The following SLC12A6 variants were observed in gnomAD, a reference collection of about 807,000 sequenced individuals.
SLC12A6 encodes K-Cl cotransporter 3.
A neutral mutation model predicts 135.3 loss-of-function variants in SLC12A6; 66 were observed. That is an observed-to-expected ratio of 0.49 (90% CI 0.40 to 0.60). SLC12A6 has a LOEUF of 0.60. Ranked by LOEUF, SLC12A6 falls within the 20% of genes least tolerant of loss-of-function variation. SLC12A6 has a pLI of 0.00. For synonymous variants in SLC12A6, 513 were observed against 508.8 expected (o/e 1.01, Z -0.11); for missense variants, 1,058 against 1,452.3 (o/e 0.73, Z 4.41).
At chr15:34,326,987 G>C (rs905779295) in intron 2 of SLC12A6, among the ~76,000 whole-genome samples, 1 of 148,416 alleles carries the variant, frequency 6.7e-6, no homozygotes, top group Non-Finnish European at 1.5e-5. Context: ...AAAATGCAGT[G>C]TAATGACAAA....
chr15:34,310,176 T>TGTGC (rs1888058992), intron 2 of SLC12A6, among the ~76,000 whole-genome samples: 1 of 97,634 alleles, frequency 1.0e-5, no homozygotes, highest in East Asian at 2.2e-4. Flanking sequence ...GCCCAGCTAG[T>TGTGC]GTGTGTGTGT....
At chr15:34,284,752 G>A (rs1894932857) in intron 2 of SLC12A6, among the ~76,000 whole-genome samples, 1 of 152,158 alleles carries the variant, frequency 6.6e-6, no homozygotes, top group African/African-American at 2.4e-5. Flanking sequence ...AGAACAGTAA[G>A]CTATAAAACA....
At position 34,230,574 on chromosome 15, in the gene SLC12A6, C is replaced by CTT. The variant is rs1301854175; in HGVS notation, c.*3306_*3307insAA. 490 of 152,676 alleles carry CTT rather than the reference C, an allele frequency of 3.2e-3. No individual in the cohort carries two copies. The highest frequency in any genetic ancestry group is 0.011 in the African/African-American group (476 of 41,530). The allele number at this position is 152,676 out of a possible 1,614,324, so 9.5% of individuals were successfully genotyped here. Reference sequence around the variant, plus strand: ...AGGAGGATGTGTATTTCTAATCTACCCTGGTAAAGTCATAGGTAAGACTCA... The same window carrying CTT: ...AGGAGGATGTGTATTTCTAATCTACCTTCTGGTAAAGTCATAGGTAAGACTCA... On this transcript the variant is annotated 3_prime_UTR_variant, in exon 26 of 26. Coordinates refer to ENST00000354181, the MANE Select transcript of SLC12A6 (RefSeq NM_001365088.1).
At chr15:34,308,671 TAAGTC>T (rs1401883133) in intron 2 of SLC12A6, among the ~76,000 whole-genome samples, 3 of 148,668 alleles carry the variant, frequency 2.0e-5, no homozygotes, top group Non-Finnish European at 3.0e-5. Context: ...ATTGTTGGAT[TAAGTC>T]AAGTTCAGAT....
intron 2 of SLC12A6, among the ~76,000 whole-genome samples, chr15:34,303,064 G>C (rs1479194201): frequency 6.6e-6 from 1 of 150,484 alleles, no homozygotes; most frequent in Non-Finnish European, 1.5e-5. Context: ...TCATTTTAAA[G>C]ATGGTTTTGG....
chr15:34,290,425 C>T (rs1895434286), intron 2 of SLC12A6, among the ~76,000 whole-genome samples: 1 of 152,102 alleles, frequency 6.6e-6, no homozygotes, highest in Non-Finnish European at 1.5e-5. Context: ...AGAATAAGTG[C>T]TATGTGGTGC....
rs1393806311 is a variant in SLC12A6 at position 34,255,522 on chromosome 15, T to A, written c.746-130A>T. 3 of 709,072 alleles carry A rather than the reference T, an allele frequency of 4.2e-6. No individual in the cohort carries two copies. In the Admixed American group the frequency reaches 7.0e-5, roughly 17 times the overall value. The allele number at this position is 709,072 out of a possible 1,614,324, so 43.9% of individuals were successfully genotyped here. On this transcript the variant is annotated intron_variant, in intron 7 of 25. Coordinates refer to ENST00000354181, the MANE Select transcript of SLC12A6 (RefSeq NM_001365088.1). ...TTCAGGCTTCTGCAAACCCTCAATGTGATAAAAAGATGTGCTAGTGGGAAG... is the reference window on the plus strand; with the variant it reads ...TTCAGGCTTCTGCAAACCCTCAATGAGATAAAAAGATGTGCTAGTGGGAAG...
rs1199717986 is a variant in SLC12A6, at chr15:34,238,570, T to G, written c.2633-169A>C. On this transcript the variant is annotated intron_variant, in intron 20 of 25. Transcript: ENST00000354181. ...CAAAAACCATTGTGAAAAATCTGAA[T>G]AGCTAACAGACTGAGAACCACAGTT... 2.0e-5 allele frequency: 13 copies of G among 665,948 alleles called. No homozygotes were observed. The African/African-American group carries it at 2.1e-4, about 11-fold the overall frequency. 41.3% of individuals were successfully genotyped at this position (665,948 alleles called of 1,614,324 possible). A position where few individuals can be genotyped will look rare whatever the true frequency, so the allele number is the denominator to read the frequency against.
chr15:34,304,323 G>A (rs1346468911), intron 2 of SLC12A6, among the ~76,000 whole-genome samples: 2 of 152,130 alleles, frequency 1.3e-5, no homozygotes, highest in Non-Finnish European at 2.9e-5. Flanking sequence ...GTCAGCTGGA[G>A]GACATTTGGG....
chr15:34,294,023 CA>C (rs1282114864), intron 2 of SLC12A6, among the ~76,000 whole-genome samples: 2 of 152,170 alleles, frequency 1.3e-5, no homozygotes, highest in Non-Finnish European at 2.9e-5. Flanking sequence ...ATTAATTCAC[CA>C]ATCATTTTGT....
chr15:34,295,484 G>A (rs1033022175), intron 2 of SLC12A6, among the ~76,000 whole-genome samples: 5 of 152,104 alleles, frequency 3.3e-5, no homozygotes, highest in Admixed American at 6.6e-5. Flanking sequence ...GAGTCATGGC[G>A]ACAAATTAGA....
In SLC12A6 at chr15:34,261,000, G is replaced by T; in HGVS notation, c.337C>A (p.Arg113=). 1 of 1,572,044 alleles carries T rather than the reference G, an allele frequency of 6.4e-7. No individual in the cohort carries two copies. The highest frequency in any genetic ancestry group is 1.1e-5 in the South Asian group (1 of 90,146). ...QLLDDGHKKA[R]NAYLNNSNYE... is the part of the protein sequence containing the mutation. ...TTGGAATTATTGAGATAAGCATTTCGAGCTTTCTTATGTCCGTCGTCTGGA... is the reference window on the plus strand; with the variant it reads ...TTGGAATTATTGAGATAAGCATTTCTAGCTTTCTTATGTCCGTCGTCTGGA... Residue 113 remains arginine, a synonymous_variant, in exon 4 of 26, where the codon CGA becomes AGA. Transcript: ENST00000354181.
At chr15:34,258,182 T>C (rs1053653714) in intron 5 of SLC12A6, among the ~76,000 whole-genome samples, 2 of 152,228 alleles carry the variant, frequency 1.3e-5, no homozygotes, top group African/African-American at 4.8e-5. Flanking sequence ...CAGTAGTTAG[T>C]AAATAAATTA....
chr15:34,330,515 A>T (rs988035115), intron 2 of SLC12A6, among the ~76,000 whole-genome samples: 1 of 152,010 alleles, frequency 6.6e-6, no homozygotes, highest in South Asian at 2.1e-4. Flanking sequence ...TCTACAAAAA[A>T]AAAATTAGCT....
At chr15:34,274,877 G>T (rs894719360) in intron 3 of SLC12A6, among the ~76,000 whole-genome samples, 4 of 152,088 alleles carry the variant, frequency 2.6e-5, no homozygotes, top group Non-Finnish European at 4.4e-5. Context: ...CCCAGAGGAA[G>T]TAAATTCATT....
At chr15:34,268,606 G>A (rs756885038) in intron 3 of SLC12A6, among the ~76,000 whole-genome samples, 9 of 152,152 alleles carry the variant, frequency 5.9e-5, no homozygotes, top group Non-Finnish European at 1.2e-4. Context: ...TGCTGCTTTA[G>A]AGTTCAGCCT....
At chr15:34,321,859 C>A (rs1029374828) in intron 2 of SLC12A6, among the ~76,000 whole-genome samples, 3 of 152,178 alleles carry the variant, frequency 2.0e-5, no homozygotes, top group Admixed American at 6.5e-5. Flanking sequence ...ATGCTTTAAA[C>A]AGAAGAGTAC....
At chr15:34,271,483 G>A (rs1893939656) in intron 3 of SLC12A6, among the ~76,000 whole-genome samples, 1 of 151,874 alleles carries the variant, frequency 6.6e-6, no homozygotes, top group East Asian at 1.9e-4. Context: ...CCTTATGAGA[G>A]ACTGACTGCA....
chr15:34,243,134 C>T (rs998347791), intron 16 of SLC12A6, among the ~76,000 whole-genome samples: 8 of 152,086 alleles, frequency 5.3e-5, no homozygotes, highest in Non-Finnish European at 7.4e-5. Context: ...CTAGGTGATC[C>T]GCCTGCCTTG....
Sources: gnomAD v4.1 joint callset for allele counts (sites outside exome capture counted in the v4.1 genomes callset) on GRCh38, gnomAD v4.1.1 for gene constraint, MANE v1.5 for transcripts, NCBI Gene and HGNC (gene_info 2026-07-23, HGNC 2026-07-21) for gene names.